Variants in PRTG observed in about 807,000 individuals in gnomAD.
PRTG encodes the protein protogenin.
A neutral mutation model predicts 122.5 loss-of-function variants in PRTG; 67 were observed. The ratio of observed to expected loss-of-function variants is 0.55; its 90% confidence interval spans 0.45 to 0.67. PRTG has a LOEUF of 0.67. Ranked by LOEUF, PRTG falls within the 30% of genes least tolerant of loss-of-function variation. The probability of loss-of-function intolerance (pLI) is 0.00; values close to 1 mark genes in which losing one functional copy is unlikely to be tolerated. For missense variants in PRTG, 1,435 were observed against 1,415.4 expected, an observed-to-expected ratio of 1.01 and a Z score of -0.22; for synonymous variants, 554 against 501.1, an observed-to-expected ratio of 1.11 and a Z score of -1.41.
chr15:55,671,492 C>A (rs890626573), intron 11 of PRTG, among the ~76,000 whole-genome samples: 2 of 152,070 alleles, frequency 1.3e-5, no homozygotes, highest in African/African-American at 4.8e-5. Context: ...TCCATGTATT[C>A]TTTTCTTTTT....
Position 55,736,689 on chromosome 15 carries a change from T to G in PRTG, c.397+3693A>C, listed in dbSNP as rs180947275. On this transcript the variant is annotated intron_variant, in intron 2 of 19. Transcript: ENST00000389286. ...CCTCAAAATTTTGGTTAAAAAATCATAAAGTTACAATAATTCCTATGCTCT... is the reference window on the plus strand; with the variant it reads ...CCTCAAAATTTTGGTTAAAAAATCAGAAAGTTACAATAATTCCTATGCTCT... Among the ~76,000 whole-genome samples, 13 of 152,228 alleles carry G rather than the reference T, an allele frequency of 8.5e-5. No individual in the cohort carries two copies. In the East Asian group the frequency reaches 2.1e-3, roughly 25 times the overall value.
At chr15:55,724,567 A>G (rs1321373657) in intron 2 of PRTG, among the ~76,000 whole-genome samples, 1 of 151,964 alleles carries the variant, frequency 6.6e-6, no homozygotes, top group Non-Finnish European at 1.5e-5. Flanking sequence ...CCTGGCCAAC[A>G]CAGCAAAACC....
chr15:55,647,240 T>C (rs1237458663), intron 11 of PRTG, among the ~76,000 whole-genome samples: 1 of 151,964 alleles, frequency 6.6e-6, no homozygotes, highest in East Asian at 1.9e-4. Flanking sequence ...GATCACGCCA[T>C]TGCACTCCAG....
intron 2 of PRTG, among the ~76,000 whole-genome samples, chr15:55,709,721 G>C (rs2030304996): frequency 6.6e-6 from 1 of 152,166 alleles, no homozygotes; most frequent in Non-Finnish European, 1.5e-5. Context: ...GAACCAACAT[G>C]AATGAATCTC....
At chr15:55,663,672 G>A (rs2059422176) in intron 11 of PRTG, among the ~76,000 whole-genome samples, 1 of 151,964 alleles carries the variant, frequency 6.6e-6, no homozygotes, top group South Asian at 2.1e-4. Flanking sequence ...CTCCGAAGCA[G>A]CTGGGATTAC....
chr15:55,648,270 T>A (rs1452344613), intron 11 of PRTG, among the ~76,000 whole-genome samples: 2 of 152,184 alleles, frequency 1.3e-5, no homozygotes, highest in Non-Finnish European at 2.9e-5. Context: ...ATTTTTACAA[T>A]GAGGTGTTTC....
chr15:55,651,521 G>C (rs1461972285), intron 11 of PRTG, among the ~76,000 whole-genome samples: 1 of 152,076 alleles, frequency 6.6e-6, no homozygotes, highest in Non-Finnish European at 1.5e-5. Flanking sequence ...AGTAAGTACT[G>C]CCTGATTGAA....
Position 55,704,358 on chromosome 15 carries a change from T to G in PRTG, c.398-20427A>C, listed in dbSNP as rs73408348. 6.1e-3 allele frequency among the ~76,000 whole-genome samples: 925 copies of G among 152,326 alleles called. 9 individuals are homozygous for G. The highest frequency in any genetic ancestry group is 0.022 in the African/African-American group (894 of 41,572). On this transcript the variant is annotated intron_variant, in intron 2 of 19. Coordinates refer to ENST00000389286, the MANE Select transcript of PRTG (RefSeq NM_173814.6). ...TCATGTCACTTAGCAACTTCATCTG[T>G]GCAGAAATTTATAATGAGAAAAATC...
intron 2 of PRTG, among the ~76,000 whole-genome samples, chr15:55,717,440 A>G (rs1252307779): frequency 2.6e-5 from 4 of 152,236 alleles, no homozygotes; most frequent in Non-Finnish European, 5.9e-5. Context: ...CGCAAGAGAA[A>G]AAAAGCAAAA....
chr15:55,738,783 GA>G (rs1159989580), intron 2 of PRTG: 2 of 244,150 alleles, frequency 8.2e-6, no homozygotes, highest in African/African-American at 4.6e-5. Flanking sequence ...GAGAGGGAGG[GA>G]GGGGGAGGAA....
chr15:55,646,177 T>G (rs1477561020), intron 11 of PRTG, among the ~76,000 whole-genome samples: 4 of 149,680 alleles, frequency 2.7e-5, no homozygotes, highest in East Asian at 2.0e-4. Context: ...CAGCTAGTTT[T>G]TTTTTTTTTT....
At chr15:55,663,301 T>C (rs150210818) in intron 11 of PRTG, among the ~76,000 whole-genome samples, 1 of 152,206 alleles carries the variant, frequency 6.6e-6, no homozygotes, top group Admixed American at 6.5e-5. Flanking sequence ...ACCCTGGTCA[T>C]CTGATCTCAA....
intron 2 of PRTG, among the ~76,000 whole-genome samples, chr15:55,692,074 G>A (rs1007948289): frequency 6.6e-6 from 1 of 151,920 alleles, no homozygotes; most frequent in African/African-American, 2.4e-5. Flanking sequence ...AGATAGAAAA[G>A]TATGTAAACT....
rs569875037 is a variant in PRTG, at chr15:55,671,792, C to T, written c.2041+653G>A. Reference sequence around the variant, plus strand: ...CTGGGATTACAGGCATGAGCCACCACGCCTGGCCCATGTATTCATTTTGGA... The same window carrying T: ...CTGGGATTACAGGCATGAGCCACCATGCCTGGCCCATGTATTCATTTTGGA... On this transcript the variant is annotated intron_variant, in intron 11 of 19. Coordinates refer to ENST00000389286, the MANE Select transcript of PRTG (RefSeq NM_173814.6). 9.2e-5 allele frequency among the ~76,000 whole-genome samples: 14 copies of T among 152,286 alleles called. 1 individual carries two copies. In the Middle Eastern group the frequency reaches 0.01, roughly 111 times the overall value.
At chr15:55,710,476 C>T (rs2030335211) in intron 2 of PRTG, among the ~76,000 whole-genome samples, 1 of 152,200 alleles carries the variant, frequency 6.6e-6, no homozygotes, top group African/African-American at 2.4e-5. Flanking sequence ...CACTAAATTA[C>T]TCACATTCAG....
intron 1 of PRTG, 31 bp downstream of exon 1, chr15:55,742,807 G>C (rs1378909528): frequency 6.5e-6 from 10 of 1,540,232 alleles, no homozygotes; most frequent in Non-Finnish European, 8.8e-6. Context: ...GCCCCACAGC[G>C]GTAAGAGAAA....
intron 2 of PRTG, among the ~76,000 whole-genome samples, chr15:55,723,018 T>C (rs1443771827): frequency 6.6e-6 from 1 of 152,166 alleles, no homozygotes; most frequent in Non-Finnish European, 1.5e-5. Context: ...ATGTTTCCCC[T>C]GACAAACAAA....
In PRTG at chr15:55,615,576, A is replaced by C. The variant is rs1340760350; in HGVS notation, c.*4436T>G. The C allele has an allele frequency of 2.6e-5, 4 of 152,270 alleles. No individual in the cohort carries two copies. The highest frequency in any genetic ancestry group is 6.5e-5 in the Admixed American group (1 of 15,282). 9.4% of individuals were successfully genotyped at this position (152,270 alleles called of 1,614,324 possible). On this transcript the variant is annotated 3_prime_UTR_variant, in exon 20 of 20. Transcript: ENST00000389286. ...CTGGTTGTATATGGTAGTCTCCAGAACCTGCTACTCAGTGCTCACAAACTG... is the reference window on the plus strand; with the variant it reads ...CTGGTTGTATATGGTAGTCTCCAGACCCTGCTACTCAGTGCTCACAAACTG...
At chr15:55,723,370 A>G (rs1179709118) in intron 2 of PRTG, among the ~76,000 whole-genome samples, 1 of 151,416 alleles carries the variant, frequency 6.6e-6, no homozygotes, top group Non-Finnish European at 1.5e-5. Context: ...AACAGAAACC[A>G]TAAGGGAAGA....
Sources: allele counts gnomAD v4.1 joint callset (sites outside exome capture counted in the v4.1 genomes callset), GRCh38; gene constraint gnomAD v4.1.1; transcripts MANE v1.5; gene names NCBI Gene and HGNC (gene_info 2026-07-23, HGNC 2026-07-21).